Variants in RAD51B observed in about 807,000 individuals in gnomAD.
RAD51B encodes RAD51 paralog B, also known as DNA repair protein RAD51 homolog 2.
Under a neutral mutation model 42.2 loss-of-function variants are expected in RAD51B, and 38 were observed. That is an observed-to-expected ratio of 0.90 (90% CI 0.70 to 1.18). RAD51B has a LOEUF of 1.18. Ranked by LOEUF, RAD51B falls within the 50% of genes most tolerant of loss-of-function variation. The pLI is 0.00. For missense variants in RAD51B, 373 were observed against 400.7 expected (o/e 0.93, Z 0.59); for synonymous variants, 154 against 145.2 (o/e 1.06, Z -0.43).
intron 7 of RAD51B, among the ~76,000 whole-genome samples, chr14:68,053,218 A>AT (rs1445796842): frequency 6.6e-6 from 1 of 152,166 alleles, no homozygotes; most frequent in Non-Finnish European, 1.5e-5. Context: ...CATTTAGGGT[A>AT]TAGTTTTGAA....
intron 7 of RAD51B, among the ~76,000 whole-genome samples, chr14:68,144,014 T>G (rs1192819222): frequency 6.6e-6 from 1 of 152,198 alleles, no homozygotes; most frequent in Non-Finnish European, 1.5e-5. Context: ...ATTTCATTTA[T>G]CTTAGGTTCT....
chr14:68,603,429 T>C (rs534158370), intron 10 of RAD51B, among the ~76,000 whole-genome samples: 1 of 152,338 alleles, frequency 6.6e-6, no homozygotes, highest in Admixed American at 6.5e-5. Flanking sequence ...GGATTTTTTA[T>C]ACTTTTCTGT....
At chr14:68,087,909 TATATA>T (rs1202726412) in intron 7 of RAD51B, among the ~76,000 whole-genome samples, 4 of 125,048 alleles carry the variant, frequency 3.2e-5, no homozygotes, top group Non-Finnish European at 6.3e-5. Flanking sequence ...TTTATATAAT[TATATA>T]ATATATTATA....
chr14:68,068,790 C>T (rs1343562866), intron 7 of RAD51B, among the ~76,000 whole-genome samples: 2 of 152,188 alleles, frequency 1.3e-5, no homozygotes, highest in African/African-American at 2.4e-5. Flanking sequence ...TATTGTATAT[C>T]TTCCATGGTT....
At chr14:68,430,101 G>T (rs1361228685) in intron 9 of RAD51B, among the ~76,000 whole-genome samples, 2 of 152,114 alleles carry the variant, frequency 1.3e-5, no homozygotes, top group African/African-American at 4.8e-5. Context: ...CGTTCCATTG[G>T]TCTATATCTC....
At chr14:68,074,520 G>A (rs988252868) in intron 7 of RAD51B, among the ~76,000 whole-genome samples, 1 of 152,172 alleles carries the variant, frequency 6.6e-6, no homozygotes, top group Admixed American at 6.5e-5. Flanking sequence ...TGAATTCTAC[G>A]TCTGTCATTT....
At chr14:68,230,609 C>A (rs1035699871) in intron 7 of RAD51B, among the ~76,000 whole-genome samples, 21 of 152,160 alleles carry the variant, frequency 1.4e-4, no homozygotes, top group African/African-American at 4.8e-4. Flanking sequence ...CATTCAAAGG[C>A]AACAGATGTC....
At chr14:68,596,655 A>C (rs189229843), downstream of RAD51B, among the ~76,000 whole-genome samples, 10 of 152,338 alleles carry the variant, frequency 6.6e-5, no homozygotes, top group African/African-American at 2.4e-4. Context: ...GCTGCTGTAA[A>C]AGCTCCTGCA....
intron 7 of RAD51B, among the ~76,000 whole-genome samples, chr14:68,261,381 G>A (rs1264574775): frequency 2.0e-5 from 3 of 152,204 alleles, no homozygotes; most frequent in South Asian, 4.1e-4. Flanking sequence ...CATGTAAATG[G>A]AGCCCTTAAG....
At chr14:67,952,286 G>A (rs2140209744) in intron 7 of RAD51B, among the ~76,000 whole-genome samples, 1 of 152,104 alleles carries the variant, frequency 6.6e-6, no homozygotes, top group East Asian at 1.9e-4. Context: ...CTATTTTGAA[G>A]TGTCATTGTC....
intron 7 of RAD51B, among the ~76,000 whole-genome samples, chr14:67,966,682 T>C (rs1455712310): frequency 6.6e-6 from 1 of 152,190 alleles, no homozygotes; most frequent in African/African-American, 2.4e-5. Flanking sequence ...AAATATAGTA[T>C]TGCTGTGTGT....
chr14:68,056,445 G>C (rs895698599), intron 7 of RAD51B, among the ~76,000 whole-genome samples: 1 of 151,530 alleles, frequency 6.6e-6, no homozygotes, highest in Non-Finnish European at 1.5e-5. Flanking sequence ...CACCACACCA[G>C]GACTTAAAGA....
intron 8 of RAD51B, among the ~76,000 whole-genome samples, chr14:68,373,373 A>C (rs1359915535): frequency 6.6e-6 from 1 of 152,198 alleles, no homozygotes; most frequent in Non-Finnish European, 1.5e-5. Flanking sequence ...TTCTAAGTTT[A>C]ATGCCCATCA....
chr14:68,341,681 T>G (rs6573834), intron 8 of RAD51B, among the ~76,000 whole-genome samples: 1 of 152,032 alleles, frequency 6.6e-6, no homozygotes, highest in East Asian at 1.9e-4. Flanking sequence ...GTCTCTGGTC[T>G]GTATCACTTA....
rs895892846 is a variant in RAD51B at position 68,658,380 on chromosome 14, T to C, written c.*11+7524T>C. On this transcript the variant is annotated intron_variant, in intron 11 of 11. Transcript: ENST00000488612. ...CCTCATGGTGCATGGCAACAGGGGC[T>C]CATTCAGATGATGAGGGCCACTGGC... Among the ~76,000 whole-genome samples the C allele has an allele frequency of 2.0e-5, 3 of 152,186 alleles. No individual in the cohort carries two copies. The East Asian group carries it at 5.8e-4, about 29-fold the overall frequency.
At chr14:68,231,527 T>C (rs976675963) in intron 7 of RAD51B, among the ~76,000 whole-genome samples, 2 of 152,220 alleles carry the variant, frequency 1.3e-5, no homozygotes, top group African/African-American at 2.4e-5. Flanking sequence ...GTTTATTGAC[T>C]TGTGTGCCAA....
At chr14:68,409,248 A>G (rs1377797604) in intron 8 of RAD51B, among the ~76,000 whole-genome samples, 1 of 152,242 alleles carries the variant, frequency 6.6e-6, no homozygotes, top group Non-Finnish European at 1.5e-5. Flanking sequence ...TTCTTATAGT[A>G]GAAAATATTT....
chr14:68,627,782 G>A (rs1339641307), intron 10 of RAD51B, among the ~76,000 whole-genome samples: 2 of 152,202 alleles, frequency 1.3e-5, no homozygotes, highest in Non-Finnish European at 2.9e-5. Context: ...ACAACACAAT[G>A]TATTTAAATA....
chr14:68,484,330 G>A (rs373424579), intron 10 of RAD51B, among the ~76,000 whole-genome samples: 16 of 148,946 alleles, frequency 1.1e-4, no homozygotes, highest in African/African-American at 4.0e-4. Context: ...CAAACTTTTA[G>A]TTACAGTTGG....
Sources: allele counts gnomAD v4.1 joint callset (sites outside exome capture counted in the v4.1 genomes callset), GRCh38; gene constraint gnomAD v4.1.1; transcripts MANE v1.5; gene names NCBI Gene and HGNC (gene_info 2026-07-23, HGNC 2026-07-21).